ASIC2: variants seen among roughly 807,000 people sequenced by gnomAD.
The protein encoded by ASIC2 is acid-sensing ion channel 2.
Under a neutral mutation model 57.3 loss-of-function variants are expected in ASIC2, and 25 were observed. The ratio of observed to expected loss-of-function variants is 0.44; its 90% CI spans 0.32 to 0.61. ASIC2 has a LOEUF of 0.61. ASIC2 is among the 20% of genes least tolerant of loss of function. The probability of loss-of-function intolerance (pLI) is 0.06; values close to 1 mark genes in which losing one functional copy is unlikely to be tolerated. For synonymous variants in ASIC2, 319 were observed against 307.5 expected (o/e 1.04, Z -0.39); for missense variants, 641 against 738.1 (o/e 0.87, Z 1.52).
chr17:33,495,316 C>T (rs1567630271), intron 1 of ASIC2, among the ~76,000 whole-genome samples: 1 of 152,160 alleles, frequency 6.6e-6, no homozygotes, highest in Non-Finnish European at 1.5e-5. Context: ...CCTTGTTTGG[C>T]CCCTGATCAT....
chr17:33,290,054 A>G (rs548217251), intron 1 of ASIC2, among the ~76,000 whole-genome samples: 16 of 152,342 alleles, frequency 1.1e-4, no homozygotes, highest in African/African-American at 3.8e-4. Flanking sequence ...CATCAGGTAG[A>G]TATTCTTTAA....
chr17:33,349,526 C>T (rs923615289), intron 1 of ASIC2, among the ~76,000 whole-genome samples: 3 of 152,194 alleles, frequency 2.0e-5, no homozygotes, highest in Non-Finnish European at 4.4e-5. Flanking sequence ...TCATTCTTAC[C>T]TCCCCAAGAA....
chr17:33,311,156 T>C (rs1039104232), intron 1 of ASIC2, among the ~76,000 whole-genome samples: 1 of 152,196 alleles, frequency 6.6e-6, no homozygotes, highest in Non-Finnish European at 1.5e-5. Flanking sequence ...GTGTGCAAGG[T>C]GCCACCCTGG....
At chr17:33,537,856 T>C (rs1265776607) in intron 1 of ASIC2, among the ~76,000 whole-genome samples, 1 of 152,122 alleles carries the variant, frequency 6.6e-6, no homozygotes, top group Non-Finnish European at 1.5e-5. Context: ...TCAGAGTGTG[T>C]GTCTAGGAGG....
chr17:33,094,711 C>A (rs1334205209), intron 2 of ASIC2, among the ~76,000 whole-genome samples: 1 of 152,152 alleles, frequency 6.6e-6, no homozygotes, highest in Non-Finnish European at 1.5e-5. Context: ...TGGAAGTTCA[C>A]CCTTATTTTG....
At chr17:33,569,457 G>A (rs2141990295) in intron 1 of ASIC2, 1 of 152,454 alleles carries the variant, frequency 6.6e-6, no homozygotes, top group East Asian at 1.9e-4. Flanking sequence ...CCAGCACTCA[G>A]GTGAGCCTGC....
chr17:33,631,060 G>A (rs1216148306), intron 1 of ASIC2, among the ~76,000 whole-genome samples: 1 of 152,172 alleles, frequency 6.6e-6, no homozygotes, highest in Non-Finnish European at 1.5e-5. Context: ...ATAAACCTGG[G>A]TAAGGAGCAA....
rs116390868 is a variant in ASIC2 at position 33,826,170 on chromosome 17, A to G, written c.555+329808T>C. ...AATCAGTTGATTAGATGGATACAAT[A>G]CAGTTTCAAGGTTACCTTTTATAGT... On this transcript the variant is annotated intron_variant, in intron 1 of 9. Coordinates refer to the ASIC2 transcript ENST00000359872. 6.5e-3 allele frequency among the ~76,000 whole-genome samples: 997 copies of G among 152,340 alleles called. 11 individuals carry two copies. The highest frequency in any genetic ancestry group is 0.023 in the African/African-American group (958 of 41,580).
At chr17:33,490,623 T>C (rs1345137888) in intron 1 of ASIC2, among the ~76,000 whole-genome samples, 5 of 152,222 alleles carry the variant, frequency 3.3e-5, no homozygotes, top group Admixed American at 2.6e-4. Flanking sequence ...CCTGGCGCCA[T>C]CTAAGATGTG....
intron 1 of ASIC2, among the ~76,000 whole-genome samples, chr17:33,951,120 C>T (rs1320209733): frequency 1.3e-5 from 2 of 152,102 alleles, no homozygotes; most frequent in Non-Finnish European, 2.9e-5. Context: ...ATAGTAATAA[C>T]ATATATTTGG....
At chr17:33,426,848 A>T (rs962044) in intron 1 of ASIC2, among the ~76,000 whole-genome samples, 111,399 of 152,094 alleles carry the variant, frequency 0.73, 41,383 homozygotes, top group Middle Eastern at 0.79. Flanking sequence ...GCAATAAATG[A>T]TATGATGGGA....
At chr17:33,910,821 T>C (rs1185470123) in intron 1 of ASIC2, among the ~76,000 whole-genome samples, 1 of 152,058 alleles carries the variant, frequency 6.6e-6, no homozygotes, top group Non-Finnish European at 1.5e-5. Context: ...TACCTCAGGG[T>C]GTTGGGGAAG....
intron 1 of ASIC2, among the ~76,000 whole-genome samples, chr17:33,285,390 TC>T (rs941161917): frequency 3.9e-5 from 6 of 152,292 alleles, no homozygotes; most frequent in Non-Finnish European, 7.4e-5. Flanking sequence ...CTTGTACATT[TC>T]CCCCCTTAAT....
At chr17:34,119,632 CACACACACAA>C (rs1398975446) in intron 1 of ASIC2, among the ~76,000 whole-genome samples, 1 of 150,452 alleles carries the variant, frequency 6.6e-6, no homozygotes, top group Admixed American at 6.6e-5. Context: ...CACACACACA[CACACACACAA>C]ACACACACAC....
intron 1 of ASIC2, among the ~76,000 whole-genome samples, chr17:33,915,192 G>A (rs1289622200): frequency 6.6e-6 from 1 of 152,196 alleles, no homozygotes; most frequent in Non-Finnish European, 1.5e-5. Context: ...AAGAAGTGAG[G>A]CTCAATAGCT....
chr17:33,319,372 C>A (rs995697337), intron 1 of ASIC2, among the ~76,000 whole-genome samples: 1 of 152,204 alleles, frequency 6.6e-6, no homozygotes, highest in Non-Finnish European at 1.5e-5. Flanking sequence ...CTGCCCAGGA[C>A]AATCTATTGG....
chr17:33,998,561 G>A (rs1906235811), intron 1 of ASIC2, among the ~76,000 whole-genome samples: 1 of 152,010 alleles, frequency 6.6e-6, no homozygotes. Context: ...GTTTTGGTAT[G>A]TTGTGTTTTC....
chr17:33,740,004 TAAAG>T (rs201552070), intron 1 of ASIC2, among the ~76,000 whole-genome samples: 36 of 125,854 alleles, frequency 2.9e-4, no homozygotes, highest in African/African-American at 8.5e-4. Context: ...GAAAGAAAAA[TAAAG>T]AAAGAGAGAG....
intron 1 of ASIC2, among the ~76,000 whole-genome samples, chr17:33,530,743 G>A (rs960235379): frequency 2.6e-5 from 4 of 152,182 alleles, no homozygotes; most frequent in Non-Finnish European, 4.4e-5. Flanking sequence ...GCTTTGCCAG[G>A]TCATGCAGGA....
Sources: allele counts gnomAD v4.1 joint callset (sites outside exome capture counted in the v4.1 genomes callset), GRCh38; gene constraint gnomAD v4.1.1; transcripts MANE v1.5; gene names NCBI Gene and HGNC (gene_info 2026-07-23, HGNC 2026-07-21).